CNTN6: variants seen among roughly 807,000 people sequenced by gnomAD.
CNTN6 encodes contactin-6.
A neutral mutation model predicts 122.8 loss-of-function variants in CNTN6; 137 were observed. The observed-to-expected ratio is 1.12, with a 90% CI of 0.97 to 1.29. The LOEUF (loss-of-function observed/expected upper bound fraction) is 1.29. Among genes scored for constraint, CNTN6 ranks in the 50% most tolerant of loss-of-function variants. The pLI, the probability that CNTN6 is intolerant of heterozygous loss-of-function variation, is 0.00. For synonymous variants in CNTN6, 570 were observed against 426.0 expected (o/e 1.34, Z -4.16); for missense variants, 1,634 against 1,223.4 (o/e 1.34, Z -5.01).
intron 4 of CNTN6, among the ~76,000 whole-genome samples, chr3:1,277,734 G>A (rs1002886200): frequency 6.6e-6 from 1 of 152,128 alleles, no homozygotes; most frequent in South Asian, 2.1e-4. Context: ...GAGGCTCAAA[G>A]AAGTTAAACA....
At chr3:1,318,583 G>A (rs1700430038) in intron 7 of CNTN6, among the ~76,000 whole-genome samples, 1 of 151,754 alleles carries the variant, frequency 6.6e-6, no homozygotes. Context: ...AGAGGGAAGT[G>A]GGGCAGGGAA....
intron 19 of CNTN6, among the ~76,000 whole-genome samples, chr3:1,383,658 C>A (rs1020422828): frequency 6.7e-6 from 1 of 148,866 alleles, no homozygotes. Context: ...AAAACAAAAA[C>A]AAAAACAAAA....
chr3:1,240,706 T>TCAA (rs1559579800), intron 4 of CNTN6, among the ~76,000 whole-genome samples: 1 of 129,386 alleles, frequency 7.7e-6, no homozygotes, highest in Non-Finnish European at 1.7e-5. Flanking sequence ...GTTATTATAC[T>TCAA]AAAAAAAAAA....
intron 4 of CNTN6, among the ~76,000 whole-genome samples, chr3:1,276,331 G>T (rs1451048016): frequency 6.6e-6 from 1 of 152,146 alleles, no homozygotes; most frequent in African/African-American, 2.4e-5. Flanking sequence ...CACTAAGAAT[G>T]TTCCGAGTCA....
chr3:1,306,434 A>G (rs1445351908), intron 7 of CNTN6, among the ~76,000 whole-genome samples: 1 of 152,212 alleles, frequency 6.6e-6, no homozygotes, highest in Non-Finnish European at 1.5e-5. Flanking sequence ...TTGAAAGATA[A>G]CATTAAACCC....
intron 4 of CNTN6, among the ~76,000 whole-genome samples, chr3:1,237,477 G>A (rs571422903): frequency 6.6e-6 from 1 of 152,178 alleles, no homozygotes; most frequent in Non-Finnish European, 1.5e-5. Context: ...AAATATGTCT[G>A]AGAGAATAAT....
At chr3:1,352,683 G>A (rs935338644) in intron 12 of CNTN6, among the ~76,000 whole-genome samples, 1 of 151,736 alleles carries the variant, frequency 6.6e-6, no homozygotes, top group Non-Finnish European at 1.5e-5. Context: ...AGTGTCATTC[G>A]AGTTAAAACC....
chr3:1,131,175 A>G (rs2092326204), intron 1 of CNTN6, among the ~76,000 whole-genome samples: 1 of 152,122 alleles, frequency 6.6e-6, no homozygotes, highest in Non-Finnish European at 1.5e-5. Flanking sequence ...TGCAAATGGT[A>G]GGTCTGCAGG....
intron 7 of CNTN6, among the ~76,000 whole-genome samples, chr3:1,303,057 C>G (rs1175209598): frequency 6.6e-6 from 1 of 151,974 alleles, no homozygotes; most frequent in African/African-American, 2.4e-5. Context: ...CAAAGCCATC[C>G]CTCATTTGTG....
chr3:1,194,705 G>C (rs919833682), intron 2 of CNTN6, among the ~76,000 whole-genome samples: 2 of 151,906 alleles, frequency 1.3e-5, no homozygotes, highest in African/African-American at 4.8e-5. Context: ...ATGTATTTCT[G>C]TGCCTTATAC....
Position 1,288,323 on chromosome 3 carries a change from A to G in CNTN6, c.455-7278A>G, listed in dbSNP as rs118180138. Among the ~76,000 whole-genome samples the G allele has an allele frequency of 8.5e-3, 293 of 34,504 alleles. 6 individuals carry two copies. The East Asian group carries it at 0.29, about 34-fold the overall frequency. 22.6% of individuals were successfully genotyped at this position (34,504 alleles called of 152,430 possible). On this transcript the variant is annotated intron_variant, in intron 5 of 22. Coordinates refer to ENST00000446702, the MANE Select transcript of CNTN6 (RefSeq NM_001289080.2). ...TGGAACGAATGGGAATTCAAATAGG[A>G]GTGGATTTTAAAGTGTTAGGCACGT...
chr3:1,299,828 A>C (rs1328461724), intron 7 of CNTN6, among the ~76,000 whole-genome samples: 1 of 152,188 alleles, frequency 6.6e-6, no homozygotes, highest in Non-Finnish European at 1.5e-5. Context: ...TCTATGAATT[A>C]CCATATTTTC....
At chr3:1,230,560 C>G (rs6798321) in intron 4 of CNTN6, among the ~76,000 whole-genome samples, 84,337 of 152,058 alleles carry the variant, frequency 0.55, 25,347 homozygotes, top group African/African-American at 0.8. Flanking sequence ...TTGTTCTTTT[C>G]TTTTCATGTC....
At chr3:1,243,518 T>G (rs1242906012) in intron 4 of CNTN6, among the ~76,000 whole-genome samples, 1 of 152,032 alleles carries the variant, frequency 6.6e-6, no homozygotes, top group Admixed American at 6.6e-5. Flanking sequence ...ATAAAATGTA[T>G]TTTGAGAATA....
chr3:1,135,941 G>A (rs912001629), intron 1 of CNTN6, among the ~76,000 whole-genome samples: 20 of 152,216 alleles, frequency 1.3e-4, no homozygotes, highest in African/African-American at 3.1e-4. Flanking sequence ...GCCGTGAGCC[G>A]AGATTGCGCC....
intron 4 of CNTN6, among the ~76,000 whole-genome samples, chr3:1,252,152 C>G (rs960557397): frequency 1.3e-5 from 2 of 152,144 alleles, no homozygotes; most frequent in Non-Finnish European, 1.5e-5. Context: ...AACCTAGGCC[C>G]ACTTCTTAAA....
intron 21 of CNTN6, among the ~76,000 whole-genome samples, chr3:1,402,037 C>T (rs80156916): frequency 0.036 from 5,432 of 152,000 alleles, 138 homozygotes; most frequent in Middle Eastern, 0.058. Context: ...CCAAACTCAA[C>T]AGTGACTTTC....
intron 12 of CNTN6, among the ~76,000 whole-genome samples, chr3:1,354,321 G>C (rs183373862): frequency 6.1e-5 from 9 of 147,684 alleles, no homozygotes; most frequent in Non-Finnish European, 1.0e-4. Flanking sequence ...CAGCTACTCT[G>C]CTCTTTCCAT....
At chr3:1,132,062 T>C (rs1008094225) in intron 1 of CNTN6, among the ~76,000 whole-genome samples, 1 of 152,140 alleles carries the variant, frequency 6.6e-6, no homozygotes, top group African/African-American at 2.4e-5. Flanking sequence ...TGCTTTTCTA[T>C]ATGCATTTAG....
Sources: allele counts gnomAD v4.1 joint callset (sites outside exome capture counted in the v4.1 genomes callset), GRCh38; gene constraint gnomAD v4.1.1; transcripts MANE v1.5; gene names NCBI Gene and HGNC (gene_info 2026-07-23, HGNC 2026-07-21).